PRKG1: variants seen among roughly 807,000 people sequenced by gnomAD.
The protein encoded by PRKG1 is protein kinase cGMP-dependent 1, also known as cGMP-dependent protein kinase 1.
A neutral mutation model predicts 88.1 loss-of-function variants in PRKG1; 35 were observed. The observed-to-expected ratio is 0.40, with a 90% CI of 0.30 to 0.53. The LOEUF is 0.53. PRKG1 is among the 20% of genes least tolerant of loss of function. The pLI is 0.59. For missense variants in PRKG1, 540 were observed against 839.8 expected (o/e 0.64, Z 4.41); for synonymous variants, 303 against 292.5 (o/e 1.04, Z -0.37).
At chr10:51,467,901 T>A in intron 3 of PRKG1, 65 bp downstream of exon 3, 1 of 1,265,568 alleles carries the variant, frequency 7.9e-7, no homozygotes, top group Non-Finnish European at 1.1e-6. Context: ...TGAGATGTTG[T>A]TTAAAATGCC....
intron 3 of PRKG1, among the ~76,000 whole-genome samples, chr10:51,510,672 G>A (rs1841368475): frequency 6.6e-6 from 1 of 151,586 alleles, no homozygotes; most frequent in Admixed American, 6.6e-5. Flanking sequence ...AATAATCATT[G>A]CATATGTATA....
At chr10:51,202,456 T>C (rs2132057734) in intron 2 of PRKG1, among the ~76,000 whole-genome samples, 1 of 152,304 alleles carries the variant, frequency 6.6e-6, no homozygotes, top group East Asian at 1.9e-4. Flanking sequence ...AGATTTCTCC[T>C]GAGAACACTG....
chr10:51,605,491 G>A (rs1042268739), intron 3 of PRKG1, among the ~76,000 whole-genome samples: 13 of 152,196 alleles, frequency 8.5e-5, no homozygotes, highest in South Asian at 4.1e-4. Context: ...TGAGCCCTTC[G>A]CTAAATTTAC....
At chr10:51,115,350 G>A (rs1211534941) in intron 1 of PRKG1, among the ~76,000 whole-genome samples, 3 of 49,078 alleles carry the variant, frequency 6.1e-5, no homozygotes, top group Non-Finnish European at 1.4e-4. Context: ...AAGGAGAGAT[G>A]TTACAATAAT....
intron 9 of PRKG1, among the ~76,000 whole-genome samples, chr10:52,225,244 G>A (rs1175326187): frequency 2.0e-5 from 3 of 152,060 alleles, no homozygotes; most frequent in African/African-American, 7.2e-5. Context: ...GTGATGTTGA[G>A]TATGTTTTCA....
upstream of PRKG1, chr10:51,074,385 A>G (rs979938314): frequency 4.3e-5 from 58 of 1,340,528 alleles, no homozygotes; most frequent in Non-Finnish European, 3.6e-5. Context: ...CAGCCAGCCC[A>G]GAGAAGTGGA....
intron 3 of PRKG1, among the ~76,000 whole-genome samples, chr10:51,802,413 A>C (rs1839195704): frequency 6.6e-6 from 1 of 152,182 alleles, no homozygotes; most frequent in Admixed American, 6.6e-5. Flanking sequence ...AGTAAAATGA[A>C]ATTATTGAAT....
At chr10:51,410,871 A>G (rs1261504771) in intron 2 of PRKG1, among the ~76,000 whole-genome samples, 1 of 151,664 alleles carries the variant, frequency 6.6e-6, no homozygotes, top group African/African-American at 2.4e-5. Flanking sequence ...ACATTGAAAT[A>G]TATTTTATAT....
rs1838286091 is a variant in PRKG1 at position 52,161,914 on chromosome 10, C to T, written c.1027C>T (p.Leu343=). ...RDSFKHLIGG[L]DDVSNKAYED... Reference sequence around the variant, plus strand: ...CTCTTTTAAACATTTGATTGGAGGGCTGGATGATGTTTCTAATAAAGCATA... The same window carrying T: ...CTCTTTTAAACATTTGATTGGAGGGTTGGATGATGTTTCTAATAAAGCATA... The change falls in exon 9 of 18, where the codon CTG becomes TTG. Residue 343 remains leucine, a synonymous_variant. Coordinates refer to ENST00000373980, the MANE Select transcript of PRKG1 (RefSeq NM_006258.4). The T allele has an allele frequency of 3.7e-6, 6 of 1,612,472 alleles. No homozygotes were observed. The highest frequency in any genetic ancestry group is 3.4e-6 in the Non-Finnish European group (4 of 1,179,332).
intron 7 of PRKG1, among the ~76,000 whole-genome samples, chr10:52,126,934 T>G (rs941394543): frequency 6.6e-6 from 1 of 152,216 alleles, no homozygotes; most frequent in Admixed American, 6.5e-5. Context: ...TTTCTTGTTT[T>G]CTTTAAAAGT....
chr10:51,393,299 G>T (rs866357267), intron 2 of PRKG1, among the ~76,000 whole-genome samples: 1 of 151,746 alleles, frequency 6.6e-6, no homozygotes, highest in Admixed American at 6.6e-5. Context: ...TTCCCAGATG[G>T]GATGGCGGCC....
At chr10:51,959,566 A>G (rs1319502667) in intron 5 of PRKG1, among the ~76,000 whole-genome samples, 1 of 152,110 alleles carries the variant, frequency 6.6e-6, no homozygotes, top group Non-Finnish European at 1.5e-5. Context: ...CCTTCTCCCC[A>G]GGTACTCACT....
intron 3 of PRKG1, among the ~76,000 whole-genome samples, chr10:51,518,042 A>T (rs1404333890): frequency 6.6e-6 from 1 of 152,190 alleles, no homozygotes. Context: ...TCTGTGCCCC[A>T]GACTAGAATG....
At chr10:52,059,450 G>C (rs1030613856) in intron 6 of PRKG1, among the ~76,000 whole-genome samples, 1 of 151,404 alleles carries the variant, frequency 6.6e-6, no homozygotes, top group Admixed American at 6.6e-5. Flanking sequence ...ATATTAGTCA[G>C]CAATAAAAAA....
At chr10:51,330,196 G>A (rs1414153119) in intron 2 of PRKG1, among the ~76,000 whole-genome samples, 1 of 147,486 alleles carries the variant, frequency 6.8e-6, no homozygotes. Flanking sequence ...TGTTGCTCAG[G>A]CTGGAGTGCA....
chr10:51,145,671 A>G (rs1382052412), intron 1 of PRKG1, among the ~76,000 whole-genome samples: 1 of 152,176 alleles, frequency 6.6e-6, no homozygotes, highest in African/African-American at 2.4e-5. Flanking sequence ...GACTTTTAAT[A>G]TTGACGTTTT....
intron 2 of PRKG1, among the ~76,000 whole-genome samples, chr10:51,225,389 G>A (rs930474210): frequency 2.0e-5 from 3 of 152,084 alleles, no homozygotes; most frequent in Non-Finnish European, 4.4e-5. Context: ...TGCATTTTGA[G>A]GAGACGTAGG....
chr10:51,751,889 G>A (rs1385965910), intron 3 of PRKG1, among the ~76,000 whole-genome samples: 1 of 151,886 alleles, frequency 6.6e-6, no homozygotes, highest in Non-Finnish European at 1.5e-5. Context: ...GTTGCGTAAA[G>A]TAATAAATAT....
chr10:51,544,985 G>GT lies in PRKG1; in HGVS notation c.592+77160dup, dbSNP rs1292641063. Reference sequence around the variant, plus strand: ...AAATGCAAATCAAAACCACAATGAGGTTTTTTTTTTTATTTTTAATTTCCC... The same window carrying GT: ...AAATGCAAATCAAAACCACAATGAGGTTTTTTTTTTTTATTTTTAATTTCCC... On this transcript the variant is annotated intron_variant, in intron 3 of 17. Transcript: ENST00000373980. Among the ~76,000 whole-genome samples, 822 of 146,526 alleles carry GT rather than the reference G, an allele frequency of 5.6e-3. 4 individuals are homozygous for GT. Among genetic ancestry groups the GT allele is most frequent in the African/African-American group, 0.016 (655 of 40,112 alleles).
Sources: gnomAD v4.1 joint callset for allele counts (sites outside exome capture counted in the v4.1 genomes callset) on GRCh38, gnomAD v4.1.1 for gene constraint, MANE v1.5 for transcripts, NCBI Gene and HGNC (gene_info 2026-07-23, HGNC 2026-07-21) for gene names.